KATNAL2: variants seen among roughly 807,000 people sequenced by gnomAD.
The protein encoded by KATNAL2 is katanin catalytic subunit A1 like 2.
A neutral mutation model predicts 76.3 loss-of-function variants in KATNAL2; 52 were observed. The ratio of observed to expected loss-of-function variants is 0.68; its 90% CI spans 0.55 to 0.86. KATNAL2 has a LOEUF of 0.86. Among genes scored for constraint, KATNAL2 ranks in the 40% least tolerant of loss-of-function variants. The pLI is 0.00. For synonymous variants in KATNAL2, 243 were observed against 244.2 expected, an observed-to-expected ratio of 1.00 and a Z score of 0.05; for missense variants, 660 against 668.9, an observed-to-expected ratio of 0.99 and a Z score of 0.15.
intron 3 of KATNAL2, among the ~76,000 whole-genome samples, chr18:46,960,859 C>T (rs2059917825): frequency 6.6e-6 from 1 of 152,186 alleles, no homozygotes; most frequent in African/African-American, 2.4e-5. Flanking sequence ...GAGACGCGGA[C>T]AAAACCCCTC....
At chr18:46,922,234 G>A (rs2058589593) in intron 1 of KATNAL2, among the ~76,000 whole-genome samples, 3 of 151,420 alleles carry the variant, frequency 2.0e-5, no homozygotes, top group African/African-American at 7.3e-5. Flanking sequence ...CAAGTAGCTG[G>A]GACCACGGGC....
intron 1 of KATNAL2, among the ~76,000 whole-genome samples, chr18:46,923,006 C>T (rs997364765): frequency 1.2e-4 from 18 of 146,628 alleles, no homozygotes; most frequent in African/African-American, 4.3e-4. Flanking sequence ...AAATTCTTAT[C>T]AACATACAGA....
intron 1 of KATNAL2, among the ~76,000 whole-genome samples, chr18:46,928,306 C>T (rs1228413196): frequency 5.3e-5 from 8 of 152,182 alleles, no homozygotes; most frequent in Non-Finnish European, 2.9e-5. Flanking sequence ...TTCTACCAGA[C>T]AGGACCCTCA....
rs144685019 is a variant in KATNAL2, at chr18:47,052,980, T to A, written c.223T>A (p.Tyr75Asn). The stretch of plus-strand genomic sequence containing the variant: ...TGATCTTGAAACTATTTTGATGGAA[T>A]ATGAGAGTTATTATTTTGTAAAATT... ...NIDLETILME[Y>N]ESYYFVKFQK... The change falls in exon 5 of 18, where the codon TAT (tyrosine) becomes AAT (asparagine). Residue 75 changes from tyrosine to asparagine, a missense_variant. By Grantham distance (143) the Tyr-to-Asn change is moderately radical. Transcript: ENST00000683218. 2.5e-6 allele frequency: 4 copies of A among 1,610,138 alleles called. No individual in the cohort carries two copies. In the African/African-American group the frequency reaches 4.0e-5, roughly 16 times the overall value.
intron 3 of KATNAL2, among the ~76,000 whole-genome samples, chr18:47,031,945 G>T (rs536594235): frequency 1.3e-5 from 2 of 152,132 alleles, no homozygotes; most frequent in Admixed American, 6.5e-5. Flanking sequence ...GCCCGTGTGA[G>T]GCCAACAAAT....
chr18:47,036,985 AC>A (rs1348379789), intron 3 of KATNAL2, among the ~76,000 whole-genome samples: 2 of 152,224 alleles, frequency 1.3e-5, no homozygotes, highest in Non-Finnish European at 2.9e-5. Context: ...TATATATTCA[AC>A]CTTTTAGGGG....
At chr18:47,037,783 C>A (rs866567937) in intron 3 of KATNAL2, among the ~76,000 whole-genome samples, 2 of 152,192 alleles carry the variant, frequency 1.3e-5, no homozygotes, top group South Asian at 2.1e-4. Flanking sequence ...ATAAAAATCA[C>A]ATTATTATTT....
rs1266638717 is a variant in KATNAL2 at position 47,100,205 on chromosome 18, CAGG to C, written c.1375-46_1375-44del. The C allele has an allele frequency of 3.0e-6, 4 of 1,353,786 alleles. No homozygotes were observed. In the African/African-American group the frequency reaches 5.7e-5, roughly 19 times the overall value. 83.9% of individuals were successfully genotyped at this position (1,353,786 alleles called of 1,614,324 possible). A position where few individuals can be genotyped will look rare whatever the true frequency, so the allele number is the denominator to read the frequency against. On this transcript the variant is annotated intron_variant, in intron 16 of 17. Transcript: ENST00000683218. ...GTCCTGCCTATAACAACGTAATGGC[CAGG>C]AGCATTCTGCCCACTGACCAATGGC...
intron 6 of KATNAL2, chr18:47,054,700 A>G (rs2061424188): frequency 2.5e-6 from 1 of 402,968 alleles, no homozygotes; most frequent in African/African-American, 2.1e-5. Flanking sequence ...AAAAGTCTTA[A>G]CCTCAAAGGT....
intron 3 of KATNAL2, among the ~76,000 whole-genome samples, chr18:47,041,549 C>T (rs1300749220): frequency 2.0e-5 from 3 of 152,160 alleles, no homozygotes; most frequent in Non-Finnish European, 1.5e-5. Context: ...TCTTTTAGCT[C>T]TGAATAATAT....
intron 17 of KATNAL2, 150 bp downstream of exon 17, chr18:47,100,506 C>A: frequency 3.1e-6 from 2 of 652,478 alleles, no homozygotes; most frequent in Non-Finnish European, 5.3e-6. Context: ...CTCATTCCTC[C>A]GTGGGTGTTC....
intron 4 of KATNAL2, 65 bp from the exon 5 acceptor site, chr18:47,052,815 T>C (rs1397937294): frequency 1.6e-6 from 2 of 1,272,432 alleles, no homozygotes; most frequent in African/African-American, 3.0e-5. Context: ...AGACTTGTAA[T>C]GCCTGTTAGC....
chr18:47,079,458 G>T (rs903087168), intron 15 of KATNAL2, among the ~76,000 whole-genome samples: 1 of 151,060 alleles, frequency 6.6e-6, no homozygotes, highest in Non-Finnish European at 1.5e-5. Context: ...GCAATGGCAC[G>T]ATCTCGGCTC....
Position 46,946,199 on chromosome 18 carries a change from A to T in KATNAL2, c.-367A>T. On this transcript the variant is annotated 5_prime_UTR_variant, in exon 2 of 18. Coordinates refer to ENST00000683218, the MANE Select transcript of KATNAL2 (RefSeq NM_001387690.1). ...GAGACAGAAGGGAAAGACATTGAAG[A>T]AACAGACTAGTTAACACATGAAAAA... 3 of 1,036,054 alleles carry T rather than the reference A, an allele frequency of 2.9e-6. No individual in the cohort carries two copies. The highest frequency in any genetic ancestry group is 3.5e-6 in the Non-Finnish European group (3 of 858,218). 64.2% of individuals were successfully genotyped at this position (1,036,054 alleles called of 1,614,324 possible).
chr18:47,038,639 T>A (rs544677351), intron 3 of KATNAL2, among the ~76,000 whole-genome samples: 2 of 152,326 alleles, frequency 1.3e-5, no homozygotes, highest in East Asian at 3.9e-4. Context: ...CCACCAATTG[T>A]ATCTGAAATA....
At chr18:47,034,339 T>G (rs751401262) in intron 3 of KATNAL2, 10 of 1,613,360 alleles carry the variant, frequency 6.2e-6, no homozygotes, top group Admixed American at 3.3e-5. Flanking sequence ...GTGACTGTGC[T>G]GAGGCCTCTT....
intron 4 of KATNAL2, 30 bp downstream of exon 4, chr18:47,046,557 T>G: frequency 7.2e-7 from 1 of 1,389,512 alleles, no homozygotes; most frequent in Non-Finnish European, 9.9e-7. Flanking sequence ...TTTATAGAGA[T>G]GATTCCTCTT....
At position 46,946,390 on chromosome 18, in the gene KATNAL2, C is replaced by A; in HGVS notation, c.-176C>A. 1 of 1,034,064 alleles carries A rather than the reference C, an allele frequency of 9.7e-7. No homozygotes were observed. The highest frequency in any genetic ancestry group is 1.2e-6 in the Non-Finnish European group (1 of 858,098). 64.1% of individuals were successfully genotyped at this position (1,034,064 alleles called of 1,614,324 possible). A position where few individuals can be genotyped will look rare whatever the true frequency, so the allele number is the denominator to read the frequency against. ...AGCAGATTCGTCCAGTCTAGATAGA[C>A]CATGCACAGAGAATTTCAAAGAAAA... On this transcript the variant is annotated 5_prime_UTR_variant, in exon 2 of 18. Coordinates refer to ENST00000683218, the MANE Select transcript of KATNAL2 (RefSeq NM_001387690.1).
chr18:46,921,257 A>G lies in KATNAL2; in HGVS notation c.-510+3331A>G, dbSNP rs544053229. Among the ~76,000 whole-genome samples, 4 of 152,214 alleles carry G rather than the reference A, an allele frequency of 2.6e-5. No individual in the cohort carries two copies. The East Asian group carries it at 7.7e-4, about 29-fold the overall frequency. ...AATTCTCTGCCTCAGCCTCCCAAGTAGCTGGGATTACAGGCACCCGCCACC... is the reference window on the plus strand; with the variant it reads ...AATTCTCTGCCTCAGCCTCCCAAGTGGCTGGGATTACAGGCACCCGCCACC... On this transcript the variant is annotated intron_variant, in intron 1 of 17. Transcript: ENST00000683218.
Sources: allele counts gnomAD v4.1 joint callset (sites outside exome capture counted in the v4.1 genomes callset), GRCh38; gene constraint gnomAD v4.1.1; transcripts MANE v1.5; gene names NCBI Gene and HGNC (gene_info 2026-07-23, HGNC 2026-07-21).